Variants in CNTNAP5 observed in about 807,000 individuals in gnomAD.
CNTNAP5 encodes contactin associated protein family member 5.
In CNTNAP5, 72 loss-of-function variants were observed where a neutral mutation model predicts 150.2. That is an observed-to-expected ratio of 0.48 (90% CI 0.40 to 0.58). The LOEUF is 0.58. Among genes scored for constraint, CNTNAP5 ranks in the 20% least tolerant of loss-of-function variants. CNTNAP5 has a pLI of 0.00. For missense variants in CNTNAP5, 1,636 were observed against 1,626.2 expected (o/e 1.01, Z -0.10); for synonymous variants, 672 against 619.8 (o/e 1.08, Z -1.25).
intron 3 of CNTNAP5, among the ~76,000 whole-genome samples, chr2:124,286,764 A>G (rs1437723224): frequency 4.6e-5 from 7 of 152,164 alleles, no homozygotes; most frequent in Admixed American, 4.6e-4. Flanking sequence ...TTCTCCTGGG[A>G]GAAATTCTCC....
At chr2:124,044,335 C>G (rs1681470011) in intron 1 of CNTNAP5, among the ~76,000 whole-genome samples, 1 of 152,128 alleles carries the variant, frequency 6.6e-6, no homozygotes, top group South Asian at 2.1e-4. Context: ...AATAGTTTGC[C>G]TGAAATCCAG....
intron 19 of CNTNAP5, among the ~76,000 whole-genome samples, chr2:124,837,298 T>G (rs1682851910): frequency 6.6e-6 from 1 of 152,068 alleles, no homozygotes. Flanking sequence ...TAAGTGCCAT[T>G]TAGAAGGAAA....
At chr2:124,597,843 CT>C (rs1176685506) in intron 11 of CNTNAP5, among the ~76,000 whole-genome samples, 1 of 147,538 alleles carries the variant, frequency 6.8e-6, no homozygotes, top group African/African-American at 2.5e-5. Context: ...TTGCTCATTT[CT>C]TTTTATTCTT....
intron 1 of CNTNAP5, among the ~76,000 whole-genome samples, chr2:124,186,429 CT>C (rs1181978617): frequency 6.6e-6 from 1 of 151,850 alleles, no homozygotes; most frequent in African/African-American, 2.4e-5. Context: ...GGTTATAAGC[CT>C]ATATAATGTT....
chr2:124,827,064 G>T (rs1353980063), intron 19 of CNTNAP5, among the ~76,000 whole-genome samples: 1 of 152,018 alleles, frequency 6.6e-6, no homozygotes, highest in African/African-American at 2.4e-5. Flanking sequence ...AGGGCCACAG[G>T]CCTGCAACAC....
intron 19 of CNTNAP5, among the ~76,000 whole-genome samples, chr2:124,854,558 A>G (rs1307645925): frequency 2.0e-5 from 3 of 152,208 alleles, no homozygotes; most frequent in African/African-American, 7.2e-5. Context: ...GAACTGTAGC[A>G]TTATAGCCAT....
At chr2:124,255,422 G>A (rs1422217459) in intron 3 of CNTNAP5, among the ~76,000 whole-genome samples, 1 of 151,878 alleles carries the variant, frequency 6.6e-6, no homozygotes, top group Admixed American at 6.6e-5. Context: ...TACTCAGGAG[G>A]CTGAGGCAGG....
At chr2:124,796,380 C>G (rs1296421699) in intron 18 of CNTNAP5, among the ~76,000 whole-genome samples, 1 of 152,094 alleles carries the variant, frequency 6.6e-6, no homozygotes, top group African/African-American at 2.4e-5. Flanking sequence ...GGCAGTAGCT[C>G]AAAATGCAGA....
intron 1 of CNTNAP5, among the ~76,000 whole-genome samples, chr2:124,161,494 G>A (rs1684677554): frequency 6.6e-6 from 1 of 152,106 alleles, no homozygotes; most frequent in Admixed American, 6.6e-5. Flanking sequence ...GCTCCTAGAG[G>A]CTATTAGCAG....
intron 19 of CNTNAP5, among the ~76,000 whole-genome samples, chr2:124,823,077 G>T (rs1226984636): frequency 6.6e-6 from 1 of 152,172 alleles, no homozygotes; most frequent in Admixed American, 6.5e-5. Context: ...TAAATGCTGT[G>T]ATTAGTGCAA....
chr2:124,134,611 A>G (rs75978978), intron 1 of CNTNAP5, among the ~76,000 whole-genome samples: 165 of 152,332 alleles, frequency 1.1e-3, no homozygotes, highest in Non-Finnish European at 2.1e-3. Context: ...ATAAAACCCA[A>G]TTGTGCATGG....
chr2:124,063,210 G>C (rs1421183102), intron 1 of CNTNAP5, among the ~76,000 whole-genome samples: 1 of 151,776 alleles, frequency 6.6e-6, no homozygotes, highest in Admixed American at 6.6e-5. Flanking sequence ...TTTATGAGCA[G>C]GTAACAATCA....
At chr2:124,610,124 A>G (rs750460568) in intron 12 of CNTNAP5, among the ~76,000 whole-genome samples, 2 of 152,250 alleles carry the variant, frequency 1.3e-5, no homozygotes, top group Non-Finnish European at 2.9e-5. Context: ...AAAACTTGTT[A>G]ATGGTCTTGA....
At chr2:124,211,071 T>G (rs1303125152) in intron 1 of CNTNAP5, among the ~76,000 whole-genome samples, 1 of 152,136 alleles carries the variant, frequency 6.6e-6, no homozygotes, top group East Asian at 1.9e-4. Flanking sequence ...TGATAAAACC[T>G]AAAAAGTATA....
intron 1 of CNTNAP5, among the ~76,000 whole-genome samples, chr2:124,220,273 T>C (rs1686270483): frequency 6.6e-6 from 1 of 152,128 alleles, no homozygotes; most frequent in South Asian, 2.1e-4. Context: ...GAAGTCATTG[T>C]TCAATGTCCT....
intron 6 of CNTNAP5, among the ~76,000 whole-genome samples, chr2:124,470,375 A>G (rs1693479962): frequency 6.6e-6 from 1 of 152,060 alleles, no homozygotes; most frequent in Admixed American, 6.6e-5. Flanking sequence ...TCTTCTTTTG[A>G]GAACTGCCTG....
chr2:124,222,344 C>T (rs1458266306), intron 2 of CNTNAP5, among the ~76,000 whole-genome samples: 1 of 151,908 alleles, frequency 6.6e-6, no homozygotes, highest in Non-Finnish European at 1.5e-5. Flanking sequence ...AAGAGCACCT[C>T]CTTAACTAAT....
chr2:124,543,936 A>G (rs917780306), intron 10 of CNTNAP5, among the ~76,000 whole-genome samples: 3 of 146,766 alleles, frequency 2.0e-5, no homozygotes, highest in African/African-American at 7.6e-5. Flanking sequence ...CAACAATTGG[A>G]CCAGATGCTA....
intron 21 of CNTNAP5, among the ~76,000 whole-genome samples, chr2:124,873,826 T>A (rs951911065): frequency 3.3e-5 from 5 of 152,060 alleles, no homozygotes; most frequent in African/African-American, 1.2e-4. Flanking sequence ...ATGGTAGATA[T>A]GAAAAGAAAA....
Sources: gnomAD v4.1 joint callset for allele counts (sites outside exome capture counted in the v4.1 genomes callset) on GRCh38, gnomAD v4.1.1 for gene constraint, MANE v1.5 for transcripts, NCBI Gene and HGNC (gene_info 2026-07-23, HGNC 2026-07-21) for gene names.